The following LRRTM4 variants were observed in gnomAD, a reference collection of about 807,000 sequenced individuals.
The protein encoded by LRRTM4 is leucine rich repeat transmembrane neuronal 4.
In LRRTM4, 25 loss-of-function variants were observed where a neutral mutation model predicts 47.6. The observed-to-expected ratio is 0.53, with a 90% CI of 0.38 to 0.73. The LOEUF is 0.73. LRRTM4 is among the 30% of genes least tolerant of loss of function. The pLI is 0.00. For synonymous variants in LRRTM4, 311 were observed against 269.5 expected, an observed-to-expected ratio of 1.15 and a Z score of -1.51; for missense variants, 638 against 713.4, an observed-to-expected ratio of 0.89 and a Z score of 1.20.
intron 3 of LRRTM4, among the ~76,000 whole-genome samples, chr2:76,857,740 G>A (rs1377470980): frequency 1.3e-5 from 2 of 152,116 alleles, no homozygotes; most frequent in Non-Finnish European, 2.9e-5. Context: ...TGGCTTTTAT[G>A]AAAGTTTGCT....
intron 3 of LRRTM4, among the ~76,000 whole-genome samples, chr2:77,278,966 A>G (rs893930197): frequency 7.9e-5 from 12 of 152,132 alleles, no homozygotes; most frequent in Middle Eastern, 3.4e-3. Flanking sequence ...TGATTATAAT[A>G]GGCAATGATG....
At chr2:77,395,303 T>A (rs1279292196) in intron 3 of LRRTM4, among the ~76,000 whole-genome samples, 1 of 151,966 alleles carries the variant, frequency 6.6e-6, no homozygotes, top group South Asian at 2.1e-4. Context: ...GTTCAGTCAG[T>A]TGAAAGGCTT....
At chr2:77,488,291 G>C (rs1008921072) in intron 3 of LRRTM4, among the ~76,000 whole-genome samples, 1 of 152,200 alleles carries the variant, frequency 6.6e-6, no homozygotes, top group Non-Finnish European at 1.5e-5. Context: ...CAGGAACCCA[G>C]CACCCATGCC....
rs1040246229 is a variant in LRRTM4, at chr2:77,516,757, A to G, written c.1551+1561T>C. 4.1e-6 allele frequency: 4 copies of G among 969,178 alleles called. No homozygotes were observed. The African/African-American group carries it at 7.0e-5, about 17-fold the overall frequency. The allele number at this position is 969,178 out of a possible 1,614,324, so 60.0% of individuals were successfully genotyped here. A position where few individuals can be genotyped will look rare whatever the true frequency, so the allele number is the denominator to read the frequency against. On this transcript the variant is annotated intron_variant, in intron 3 of 3. Coordinates refer to ENST00000409884, the MANE Select transcript of LRRTM4 (RefSeq NM_001134745.3). Reference sequence around the variant, plus strand: ...TTTATTATCTGGGATTACTTCTCTTATTTTCAATGATACACAAAAAAGAAG... The same window carrying G: ...TTTATTATCTGGGATTACTTCTCTTGTTTTCAATGATACACAAAAAAGAAG...
chr2:77,210,935 G>T (rs1367274283), intron 3 of LRRTM4, among the ~76,000 whole-genome samples: 1 of 152,106 alleles, frequency 6.6e-6, no homozygotes, highest in Non-Finnish European at 1.5e-5. Context: ...ACGGGAGATG[G>T]ATGTGGTAGC....
chr2:77,055,316 G>T (rs1192426978), intron 3 of LRRTM4, among the ~76,000 whole-genome samples: 1 of 152,154 alleles, frequency 6.6e-6, no homozygotes, highest in Non-Finnish European at 1.5e-5. Flanking sequence ...ACCTCTAGTA[G>T]AAATCAGCCT....
intron 3 of LRRTM4, among the ~76,000 whole-genome samples, chr2:77,101,011 T>C (rs535274865): frequency 1.3e-5 from 2 of 152,050 alleles, no homozygotes; most frequent in African/African-American, 4.8e-5. Context: ...AAATTTTGTA[T>C]TTTTTAGTAG....
At position 77,497,686 on chromosome 2, in the gene LRRTM4, A is replaced by G. The variant is rs562566980; in HGVS notation, c.1551+20632T>C. On this transcript the variant is annotated intron_variant, in intron 3 of 3. Transcript: ENST00000409884. ...CTGTGTATATATGGATTTGTATATA[A>G]TTATACATTATGTAATTATAATATA... is the stretch of plus-strand genomic sequence containing the variant. 1.1e-4 allele frequency among the ~76,000 whole-genome samples: 17 copies of G among 150,806 alleles called. No homozygotes were observed. The South Asian group carries it at 2.1e-3, about 18-fold the overall frequency.
chr2:77,030,187 C>T (rs934465952), intron 3 of LRRTM4, among the ~76,000 whole-genome samples: 25 of 152,172 alleles, frequency 1.6e-4, no homozygotes, highest in Middle Eastern at 3.2e-3. Flanking sequence ...AATCCCAGCA[C>T]TTTGGGAGGC....
intron 3 of LRRTM4, among the ~76,000 whole-genome samples, chr2:76,801,075 C>T (rs547593165): frequency 6.6e-6 from 1 of 150,830 alleles, no homozygotes; most frequent in African/African-American, 2.4e-5. Flanking sequence ...GGACTGTAAA[C>T]TAGTTCGACC....
chr2:77,095,359 CTA>C (rs1478278814), intron 3 of LRRTM4, among the ~76,000 whole-genome samples: 1 of 152,048 alleles, frequency 6.6e-6, no homozygotes, highest in African/African-American at 2.4e-5. Flanking sequence ...CCTCAAAACA[CTA>C]AAACTCAAAT....
intron 3 of LRRTM4, among the ~76,000 whole-genome samples, chr2:77,343,942 G>A (rs1671466430): frequency 1.3e-5 from 2 of 151,868 alleles, no homozygotes; most frequent in African/African-American, 4.8e-5. Flanking sequence ...TAGTACTAAT[G>A]TCCTCAGGGA....
intron 3 of LRRTM4, among the ~76,000 whole-genome samples, chr2:77,344,913 A>T (rs1671506590): frequency 6.6e-6 from 1 of 151,682 alleles, no homozygotes; most frequent in South Asian, 2.1e-4. Context: ...TCCTTACCAG[A>T]TTTCTTTTCT....
At chr2:77,014,952 T>TA (rs750868757) in intron 3 of LRRTM4, among the ~76,000 whole-genome samples, 27 of 152,322 alleles carry the variant, frequency 1.8e-4, no homozygotes, top group Non-Finnish European at 3.2e-4. Flanking sequence ...TTGGCTAGCC[T>TA]ACTGTCTTTA....
At chr2:77,140,310 A>C (rs953554285) in intron 3 of LRRTM4, among the ~76,000 whole-genome samples, 3 of 152,214 alleles carry the variant, frequency 2.0e-5, no homozygotes, top group Admixed American at 2.0e-4. Context: ...GAGCCTTCAG[A>C]AATAATACCA....
intron 3 of LRRTM4, among the ~76,000 whole-genome samples, chr2:77,155,741 G>C (rs555013819): frequency 8.4e-4 from 128 of 152,176 alleles, no homozygotes; most frequent in Middle Eastern, 3.4e-3. Flanking sequence ...GGTTACGGGA[G>C]GGGGAGGATG....
At chr2:77,024,079 G>A (rs1388763748) in intron 3 of LRRTM4, among the ~76,000 whole-genome samples, 3 of 152,054 alleles carry the variant, frequency 2.0e-5, no homozygotes, top group South Asian at 2.1e-4. Flanking sequence ...AAGCAAAAAG[G>A]GAGACCCCTG....
intron 3 of LRRTM4, among the ~76,000 whole-genome samples, chr2:76,824,713 G>A (rs937188357): frequency 5.3e-5 from 8 of 151,302 alleles, no homozygotes; most frequent in Non-Finnish European, 1.0e-4. Flanking sequence ...CCGCAAAGGA[G>A]TGTTAGCAAT....
intron 3 of LRRTM4, among the ~76,000 whole-genome samples, chr2:77,254,360 A>G (rs956286547): frequency 4.6e-5 from 7 of 151,948 alleles, no homozygotes; most frequent in African/African-American, 1.4e-4. Context: ...AGGAAAATAA[A>G]ACAAACAAAA....
Sources: gnomAD v4.1 joint callset for allele counts (sites outside exome capture counted in the v4.1 genomes callset) on GRCh38, gnomAD v4.1.1 for gene constraint, MANE v1.5 for transcripts, NCBI Gene and HGNC (gene_info 2026-07-23, HGNC 2026-07-21) for gene names.